Variants in RNF220 observed in about 807,000 individuals in gnomAD.
RNF220 encodes the protein E3 ubiquitin-protein ligase RNF220.
A neutral mutation model predicts 67.1 loss-of-function variants in RNF220; 7 were observed. That is an observed-to-expected ratio of 0.10 (90% CI 0.06 to 0.20). The LOEUF (loss-of-function observed/expected upper bound fraction) is 0.20, where lower values mean the gene tolerates loss of function less well. RNF220 is among the 10% of genes least tolerant of loss of function. RNF220 has a pLI of 1.00. For synonymous variants in RNF220, 270 were observed against 283.2 expected, an observed-to-expected ratio of 0.95 and a Z score of 0.47; for missense variants, 565 against 740.3, an observed-to-expected ratio of 0.76 and a Z score of 2.75.
chr1:44,593,737 A>G (rs190235156), intron 2 of RNF220, among the ~76,000 whole-genome samples: 1 of 151,614 alleles, frequency 6.6e-6, no homozygotes, highest in Admixed American at 6.6e-5. Flanking sequence ...TTTAAATGAT[A>G]TAAAATAAAA....
intron 1 of RNF220, 93 bp downstream of exon 1, chr1:44,405,623 T>C (rs1054255699): frequency 2.5e-5 from 7 of 275,318 alleles, no homozygotes; most frequent in African/African-American, 1.6e-4. Flanking sequence ...TGGCTAACTT[T>C]CCGGGTCCGT....
At chr1:44,420,270 T>G (rs1649062278) in intron 2 of RNF220, among the ~76,000 whole-genome samples, 1 of 152,242 alleles carries the variant, frequency 6.6e-6, no homozygotes, top group Admixed American at 6.5e-5. Context: ...AGGAACCTTT[T>G]GGTACAGTCT....
intron 2 of RNF220, among the ~76,000 whole-genome samples, chr1:44,455,849 C>T (rs1653121786): frequency 6.6e-6 from 1 of 152,158 alleles, no homozygotes; most frequent in Non-Finnish European, 1.5e-5. Context: ...AGTTCTCTAG[C>T]TCTAGCACGT....
chr1:44,448,870 G>A (rs965089298), intron 2 of RNF220, among the ~76,000 whole-genome samples: 20 of 152,266 alleles, frequency 1.3e-4, no homozygotes, highest in Admixed American at 3.3e-4. Context: ...ACCTGAGCCT[G>A]ACTTTTATGT....
rs529122805 is a variant in RNF220 at position 44,506,914 on chromosome 1, A to G, written c.625+94192A>G. On this transcript the variant is annotated intron_variant, in intron 2 of 14. Transcript: ENST00000361799. ...GTGACTACAGACTCCAGAACCAATCATAGATTGTTGATCACGGAGTCTCAA... is the reference window on the plus strand; with the variant it reads ...GTGACTACAGACTCCAGAACCAATCGTAGATTGTTGATCACGGAGTCTCAA... Among the ~76,000 whole-genome samples, 16 of 152,336 alleles carry G rather than the reference A, an allele frequency of 1.1e-4. No homozygotes were observed. The South Asian group carries it at 3.3e-3, about 32-fold the overall frequency.
chr1:44,434,931 T>A (rs1002694848), intron 2 of RNF220, among the ~76,000 whole-genome samples: 8 of 148,978 alleles, frequency 5.4e-5, no homozygotes, highest in African/African-American at 7.4e-5. Context: ...GGAGGCTGAG[T>A]GGGGAGGATC....
intron 2 of RNF220, among the ~76,000 whole-genome samples, chr1:44,413,244 G>A (rs868833148): frequency 3.9e-5 from 6 of 152,154 alleles, no homozygotes; most frequent in Non-Finnish European, 8.8e-5. Flanking sequence ...AAGGACAAAG[G>A]TGTCGTCAAT....
chr1:44,552,563 CTTCTTT>C (rs1395446532), intron 2 of RNF220, among the ~76,000 whole-genome samples: 127 of 71,362 alleles, frequency 1.8e-3, no homozygotes, highest in African/African-American at 4.9e-3. Flanking sequence ...TTCTAAACTT[CTTCTTT>C]TTTTTTTTTT....
At chr1:44,547,013 G>T (rs1662214409) in intron 2 of RNF220, among the ~76,000 whole-genome samples, 2 of 152,210 alleles carry the variant, frequency 1.3e-5, no homozygotes, top group Non-Finnish European at 2.9e-5. Context: ...GAAGGGAGAA[G>T]AAAACCAAGG....
rs75923562 is a variant in RNF220 at position 44,612,015 on chromosome 1, T to C, written c.626-2150T>C. Among the ~76,000 whole-genome samples, 88 of 152,306 alleles carry C rather than the reference T, an allele frequency of 5.8e-4. No homozygotes were observed. The South Asian group carries it at 0.012, about 21-fold the overall frequency. Reference sequence around the variant, plus strand: ...AGGAGCAGAGCTGAGACTGGACGCCTCATCTCCCACCTCCCAGACCTGGGC... The same window carrying C: ...AGGAGCAGAGCTGAGACTGGACGCCCCATCTCCCACCTCCCAGACCTGGGC... On this transcript the variant is annotated intron_variant, in intron 2 of 14. Coordinates refer to ENST00000361799, the MANE Select transcript of RNF220 (RefSeq NM_018150.4).
At chr1:44,595,105 A>T (rs953054450) in intron 2 of RNF220, among the ~76,000 whole-genome samples, 1 of 152,180 alleles carries the variant, frequency 6.6e-6, no homozygotes, top group African/African-American at 2.4e-5. Context: ...AAAATCTAGG[A>T]TCCACTCTAG....
At chr1:44,634,537 G>A (rs1381468759) in intron 6 of RNF220, among the ~76,000 whole-genome samples, 1 of 152,170 alleles carries the variant, frequency 6.6e-6, no homozygotes, top group Non-Finnish European at 1.5e-5. Flanking sequence ...TCCTGGCCCT[G>A]CTTTGGGGAA....
At chr1:44,630,834 G>A (rs1311737651) in intron 5 of RNF220, among the ~76,000 whole-genome samples, 38 of 152,352 alleles carry the variant, frequency 2.5e-4, no homozygotes, top group East Asian at 1.9e-4. Flanking sequence ...GAATAGGAGT[G>A]AGAGAAGAGT....
chr1:44,470,735 C>G (rs1056436622), intron 2 of RNF220, among the ~76,000 whole-genome samples: 3 of 152,220 alleles, frequency 2.0e-5, no homozygotes, highest in African/African-American at 7.2e-5. Flanking sequence ...AAACTTCTTG[C>G]TCTCTAGCTG....
intron 2 of RNF220, among the ~76,000 whole-genome samples, chr1:44,571,554 C>T (rs1432247526): frequency 6.6e-6 from 1 of 152,222 alleles, no homozygotes. Context: ...GCTCCTGGAA[C>T]ATGGTAGGTG....
At chr1:44,620,444 C>T (rs946304036) in intron 3 of RNF220, among the ~76,000 whole-genome samples, 1 of 152,180 alleles carries the variant, frequency 6.6e-6, no homozygotes, top group African/African-American at 2.4e-5. Flanking sequence ...ACCTCATTTC[C>T]GTACCAGAAA....
chr1:44,452,142 T>C (rs1286872162), intron 2 of RNF220, among the ~76,000 whole-genome samples: 1 of 152,258 alleles, frequency 6.6e-6, no homozygotes, highest in Non-Finnish European at 1.5e-5. Flanking sequence ...AATGCCAGGC[T>C]GTACATGGGT....
At chr1:44,447,601 G>A (rs981310548) in intron 2 of RNF220, among the ~76,000 whole-genome samples, 1 of 152,162 alleles carries the variant, frequency 6.6e-6, no homozygotes, top group South Asian at 2.1e-4. Context: ...TGAATATGTA[G>A]CCGCCATGGA....
At position 44,626,410 on chromosome 1, in the gene RNF220, T is replaced by C. The variant is rs949339187; in HGVS notation, c.906+12T>C. The C allele has an allele frequency of 1.2e-6, 2 of 1,607,076 alleles. No individual in the cohort carries two copies. Among genetic ancestry groups the C allele is most frequent in the Non-Finnish European group, 1.7e-6 (2 of 1,174,218 alleles). On this transcript the variant is annotated intron_variant, in intron 5 of 14. Transcript: ENST00000361799. The stretch of plus-strand genomic sequence containing the variant: ...CAGACAGATACCAGGTGAGGAGGGG[T>C]GGTGAGTGGCCATGAGAAGCAAGCT...
Sources: gnomAD v4.1 joint callset for allele counts (sites outside exome capture counted in the v4.1 genomes callset) on GRCh38, gnomAD v4.1.1 for gene constraint, MANE v1.5 for transcripts, NCBI Gene and HGNC (gene_info 2026-07-23, HGNC 2026-07-21) for gene names.